Variants in WEE1 observed in about 807,000 individuals in gnomAD.
The protein encoded by WEE1 is wee1-like protein kinase.
A neutral mutation model predicts 68.8 loss-of-function variants in WEE1; 16 were observed. The ratio of observed to expected loss-of-function variants is 0.23; its 90% CI spans 0.16 to 0.35. WEE1 has a LOEUF of 0.35. Among genes scored for constraint, WEE1 ranks in the 10% least tolerant of loss-of-function variants. The pLI is 1.00. For missense variants in WEE1, 651 were observed against 824.1 expected, an observed-to-expected ratio of 0.79 and a Z score of 2.57; for synonymous variants, 349 against 318.7, an observed-to-expected ratio of 1.09 and a Z score of -1.01.
Position 9,576,268 on chromosome 11 carries a change from T to C in WEE1, c.821T>C (p.Leu274Pro), listed in dbSNP as rs1849564394. 1 of 1,521,570 alleles carries C rather than the reference T, an allele frequency of 6.6e-7. No individual in the cohort carries two copies. The highest frequency in any genetic ancestry group is 8.9e-7 in the Non-Finnish European group (1 of 1,119,482). 94.3% of individuals were successfully genotyped at this position (1,521,570 alleles called of 1,614,324 possible). A position where few individuals can be genotyped will look rare whatever the true frequency, so the allele number is the denominator to read the frequency against. The change falls in exon 3 of 11, where the codon CTT becomes CCT. Residue 274 changes from leucine (L) to proline (P), a missense_variant. Leu to Pro is a moderately conservative substitution (Grantham distance 98). This residue lies in a region of WEE1 where 395 missense variants were observed against 378.4 expected (regional missense o/e 1.04). Transcript: ENST00000450114. The surrounding 1 kb of genome is among the most constrained non-coding windows in gnomAD (Gnocchi z 4.3). ...GEDMEASDYE[L>P]EDETRPAKRI... is the part of the protein sequence containing the mutation. ...GACATGGAAGCCAGTGATTATGAGC[T>C]TGAAGATGAAACAAGACCTGCTAAG...
chr11:9,578,570 T>C (rs541922739), intron 5 of WEE1: 4 of 152,398 alleles, frequency 2.6e-5, no homozygotes, highest in East Asian at 1.9e-4. Context: ...GCATTTAACC[T>C]AGAACAACTT....
rs374484716 is a variant in WEE1, at chr11:9,580,458, C to CTTTTTTTTTTTTTTT, written c.1142-1071_1142-1070insTTTTTTTTTTTTTTT. ...GACTGATAAATGCATTTCTTTCTTT[C>CTTTTTTTTTTTTTTT]TTTCTTTTTTTTTTTTTTTTTCGGG... On this transcript the variant is annotated intron_variant, in intron 5 of 10. Coordinates refer to ENST00000450114, the MANE Select transcript of WEE1 (RefSeq NM_003390.4). 8 of 126,920 alleles carry CTTTTTTTTTTTTTTT rather than the reference C, an allele frequency of 6.3e-5. 1 individual carries two copies. Among genetic ancestry groups the CTTTTTTTTTTTTTTT allele is most frequent in the African/African-American group, 5.6e-5 (2 of 36,016 alleles). 7.9% of individuals were successfully genotyped at this position (126,920 alleles called of 1,614,324 possible). A position where few individuals can be genotyped will look rare whatever the true frequency, so the allele number is the denominator to read the frequency against.
chr11:9,588,559 T>C lies in WEE1; in HGVS notation c.1898T>C (p.Ile633Thr), dbSNP rs199938345. The change falls in exon 11 of 11, where the codon ATT becomes ACT. Residue 633 changes from isoleucine (I) to threonine (T), a missense_variant. Physicochemically the swap from Ile to Thr is moderately conservative, Grantham distance 89 (BLOSUM62 -1). Transcript: ENST00000450114. ...CAGAGTAATAGAACATCTCGACTTA[T>C]TGGAAAGAAAATGAACCGCTCTGTC... is the stretch of plus-strand genomic sequence containing the variant. ...TTQSNRTSRL[I>T]GKKMNRSVSL... 18 of 1,610,368 alleles carry C rather than the reference T, an allele frequency of 1.1e-5. No individual in the cohort carries two copies. The highest frequency in any genetic ancestry group is 8.0e-5 in the African/African-American group (6 of 74,816).
Position 9,574,739 on chromosome 11 carries a change from T to G in WEE1, c.576+230T>G. 3.4e-5 allele frequency: 35 copies of G among 1,022,932 alleles called. No homozygotes were observed. Among genetic ancestry groups the G allele is most frequent in the Admixed American group, 5.7e-5 (1 of 17,416 alleles). 63.4% of individuals were successfully genotyped at this position (1,022,932 alleles called of 1,614,324 possible). A position where few individuals can be genotyped will look rare whatever the true frequency, so the allele number is the denominator to read the frequency against. ...GAACTTCATCTTACAAAGGGGCCGA[T>G]CGGCCCGTCCGGGTGGCCAAGGATT... On this transcript the variant is annotated intron_variant, in intron 1 of 10. Transcript: ENST00000450114. This position sits in a 1 kb window ranked among gnomAD's most constrained non-coding sequence, Gnocchi z 4.9.
intron 6 of WEE1, among the ~76,000 whole-genome samples, chr11:9,583,594 G>T (rs1364295261): frequency 8.1e-6 from 1 of 124,048 alleles, no homozygotes; most frequent in East Asian, 2.3e-4. Flanking sequence ...CAGCCTGGGC[G>T]ACAGAGCGAG....
chr11:9,576,901 T>G lies in WEE1; in HGVS notation c.1020-241T>G, dbSNP rs145952543. On this transcript the variant is annotated intron_variant, in intron 4 of 10. Coordinates refer to ENST00000450114, the MANE Select transcript of WEE1 (RefSeq NM_003390.4). This position sits in a 1 kb window ranked among gnomAD's most constrained non-coding sequence, Gnocchi z 4.3. ...CAGCATCCATGAATTCACAGTAAAA[T>G]GGAGTTTATTCTTACCTGAGTCCTA... 0.01 allele frequency among the ~76,000 whole-genome samples: 1,581 copies of G among 152,344 alleles called. 13 individuals carry two copies. The highest frequency in any genetic ancestry group is 0.041 in the Middle Eastern group (12 of 294).
intron 6 of WEE1, among the ~76,000 whole-genome samples, chr11:9,583,570 G>A (rs182037979): frequency 4.3e-5 from 6 of 138,644 alleles, no homozygotes; most frequent in Non-Finnish European, 6.1e-5. Context: ...AGCTGAGATC[G>A]CACCACTGCA....
chr11:9,574,055 A>T lies in WEE1; in HGVS notation c.122A>T (p.Glu41Val). 1.6e-6 allele frequency: 2 copies of T among 1,252,052 alleles called. No individual in the cohort carries two copies. Among genetic ancestry groups the T allele is most frequent in the Non-Finnish European group, 2.0e-6 (2 of 998,232 alleles). The allele number at this position is 1,252,052 out of a possible 1,614,324, so 77.6% of individuals were successfully genotyped here. The change falls in exon 1 of 11, where the codon GAG (glutamate) becomes GTG (valine). Residue 41 changes from glutamate (E) to valine (V), a missense_variant. By Grantham distance (121) the Glu-to-Val change is moderately radical (BLOSUM62 -2). Around this residue, in one of 5 missense-constraint regions of WEE1, gnomAD observed 395 missense variants for 378.4 expected, o/e 1.04. Transcript: ENST00000450114. This position sits in a 1 kb window ranked among gnomAD's most constrained non-coding sequence, Gnocchi z 4.9. ...SDCEEEEEEE[E>V]EEGSGHSTGE... is the part of the protein sequence containing the mutation. ...TGTGAGGAGGAGGAAGAAGAGGAGG[A>T]GGAGGAGGGCAGCGGCCACAGCACC... is the stretch of plus-strand genomic sequence containing the variant.
intron 5 of WEE1, chr11:9,580,924 G>A (rs1295941050): frequency 1.3e-5 from 2 of 152,368 alleles, no homozygotes; most frequent in Non-Finnish European, 2.9e-5. Context: ...TGGTGGCAGT[G>A]CCTGTAGTCC....
intron 6 of WEE1, 95 bp downstream of exon 6, chr11:9,581,773 T>G: frequency 2.4e-6 from 3 of 1,272,598 alleles, no homozygotes; most frequent in Non-Finnish European, 3.2e-6. Flanking sequence ...TATCTTCTGT[T>G]TTCTCATTGT....
intron 5 of WEE1, chr11:9,578,639 C>T (rs550673938): frequency 1.3e-5 from 2 of 152,324 alleles, no homozygotes; most frequent in East Asian, 1.9e-4. Context: ...CAGTTTCCTT[C>T]TTTCTCTTTC....
In WEE1 at chr11:9,576,002, C is replaced by T. The variant is rs1849561207; in HGVS notation, c.691C>T (p.Pro231Ser). 1 of 1,614,144 alleles carries T rather than the reference C, an allele frequency of 6.2e-7. No homozygotes were observed. The highest frequency in any genetic ancestry group is 8.5e-7 in the Non-Finnish European group (1 of 1,180,012). ...GKREFDVRQT[P>S]QVNINPFTPD... ...AAGGGAATTTGATGTGCGACAGACTCCTCAAGTGAATATTAATCCTTTTAC... is the reference window on the plus strand; with the variant it reads ...AAGGGAATTTGATGTGCGACAGACTTCTCAAGTGAATATTAATCCTTTTAC... The change falls in exon 2 of 11, where the codon CCT (proline) becomes TCT (serine). Residue 231 changes from proline to serine, a missense_variant. This residue lies in a region of WEE1 where 395 missense variants were observed against 378.4 expected (regional missense o/e 1.04). Transcript: ENST00000450114. This position sits in a 1 kb window ranked among gnomAD's most constrained non-coding sequence, Gnocchi z 4.3.
Position 9,576,123 on chromosome 11 carries a change from C to G in WEE1, c.782+30C>G, listed in dbSNP as rs1589976611. 1.9e-6 allele frequency: 3 copies of G among 1,612,434 alleles called. No homozygotes were observed. The Middle Eastern group carries it at 5.0e-4, about 266-fold the overall frequency. ...GTCGTTTATTTAACAGTTTGGTTCTCCAAATAACCTAAGATTGGTTTGGTA... is the reference window on the plus strand; with the variant it reads ...GTCGTTTATTTAACAGTTTGGTTCTGCAAATAACCTAAGATTGGTTTGGTA... On this transcript the variant is annotated intron_variant, in intron 2 of 10. Coordinates refer to ENST00000450114, the MANE Select transcript of WEE1 (RefSeq NM_003390.4). The surrounding 1 kb of genome is among the most constrained non-coding windows in gnomAD (Gnocchi z 4.3).
intron 5 of WEE1, chr11:9,578,712 A>G (rs1007726136): frequency 6.6e-6 from 1 of 152,106 alleles, no homozygotes; most frequent in East Asian, 1.9e-4. Flanking sequence ...AGGAATGTCA[A>G]ATATGTAGCA....
At chr11:9,583,337 G>A (rs1205817803) in intron 6 of WEE1, among the ~76,000 whole-genome samples, 4 of 150,090 alleles carry the variant, frequency 2.7e-5, no homozygotes, top group South Asian at 2.1e-4. Flanking sequence ...AAAATTCGCC[G>A]GGCGTGGTGC....
At chr11:9,582,977 TAAGGTATAA>T (rs1458258420) in intron 6 of WEE1, among the ~76,000 whole-genome samples, 4 of 152,200 alleles carry the variant, frequency 2.6e-5, no homozygotes, top group Non-Finnish European at 5.9e-5. Flanking sequence ...TAGACCCTTA[TAAGGTATAA>T]AAGTTGAAAA....
At position 9,575,923 on chromosome 11, in the gene WEE1, C is replaced by T; in HGVS notation, c.612C>T (p.Ser204=). The T allele has an allele frequency of 1.2e-6, 2 of 1,614,090 alleles. No individual in the cohort carries two copies. Among genetic ancestry groups the T allele is most frequent in the South Asian group, 1.1e-5 (1 of 91,080 alleles). The change falls in exon 2 of 11, where the codon AGC becomes AGT. Residue 204 remains serine, a synonymous_variant. Transcript: ENST00000450114. The part of the protein sequence containing the change: ...LLSKARGIDS[S]SVKLRGSSLF... ...CCAAAGCTCGGGGAATTGATTCCAG[C>T]TCTGTTAAACTCCGGGGTAGTTCTC...
intron 10 of WEE1, among the ~76,000 whole-genome samples, chr11:9,587,259 C>T (rs1465769523): frequency 6.6e-6 from 1 of 152,218 alleles, no homozygotes; most frequent in East Asian, 1.9e-4. Context: ...CCTCACCCGG[C>T]TCCAGTAGTT....
intron 10 of WEE1, among the ~76,000 whole-genome samples, chr11:9,587,613 A>G (rs1849716180): frequency 6.6e-6 from 1 of 152,176 alleles, no homozygotes; most frequent in Admixed American, 6.5e-5. Flanking sequence ...CTGAATGAAG[A>G]TTCTCATATT....
Sources: gnomAD v4.1 joint callset for allele counts (sites outside exome capture counted in the v4.1 genomes callset) on GRCh38, gnomAD v4.1.1 for gene constraint, gnomAD v4.1.1 regional missense constraint, Gnocchi (gnomAD v3.1) non-coding constraint, MANE v1.5 for transcripts, NCBI Gene and HGNC (gene_info 2026-07-23, HGNC 2026-07-21) for gene names.